MRPL1: variants seen among roughly 807,000 people sequenced by gnomAD.
MRPL1 encodes large ribosomal subunit protein uL1m.
In MRPL1, 28 loss-of-function variants were observed where a neutral mutation model predicts 38.0. The observed-to-expected ratio is 0.74, with a 90% confidence interval of 0.55 to 1.01. The LOEUF is 1.01. MRPL1 is among the 50% of genes least tolerant of loss of function. The pLI is 0.00. For missense variants in MRPL1, 358 were observed against 389.8 expected (o/e 0.92, Z 0.69); for synonymous variants, 123 against 126.7 (o/e 0.97, Z 0.20).
At position 77,889,068 on chromosome 4, in the gene MRPL1, T is replaced by C. The variant is rs139063214; in HGVS notation, c.558+1777T>C. 4.2e-3 allele frequency among the ~76,000 whole-genome samples: 640 copies of C among 152,180 alleles called. 7 individuals carry two copies. The highest frequency in any genetic ancestry group is 0.015 in the African/African-American group (616 of 41,508). ...CACCACACTGTCAACATTAGACACA[T>C]CAACGAGACAGAAAGTTAACAAGGA... On this transcript the variant is annotated intron_variant, in intron 5 of 8. Coordinates refer to ENST00000315567, the MANE Select transcript of MRPL1 (RefSeq NM_020236.4).
intron 7 of MRPL1, among the ~76,000 whole-genome samples, chr4:77,935,265 A>C (rs1736938830): frequency 6.6e-6 from 1 of 152,164 alleles, no homozygotes; most frequent in South Asian, 2.1e-4. Context: ...TAATTTTACT[A>C]TCTTTCGATT....
intron 5 of MRPL1, 79 bp downstream of exon 5, chr4:77,887,370 A>T: frequency 8.8e-7 from 1 of 1,142,820 alleles, no homozygotes; most frequent in Non-Finnish European, 1.3e-6. Context: ...TTATATGTGG[A>T]ACACTAGTCT....
intron 2 of MRPL1, among the ~76,000 whole-genome samples, chr4:77,876,147 A>G (rs1735384424): frequency 6.6e-6 from 1 of 151,890 alleles, no homozygotes; most frequent in Non-Finnish European, 1.5e-5. Context: ...TAATTTTTGT[A>G]GTTTTGGCAG....
intron 1 of MRPL1, among the ~76,000 whole-genome samples, chr4:77,864,321 G>A (rs892069493): frequency 6.6e-6 from 1 of 151,936 alleles, no homozygotes; most frequent in Non-Finnish European, 1.5e-5. Flanking sequence ...TTACTTGGCT[G>A]GTTCCTCTTC....
At chr4:77,866,041 A>C (rs557095832) in intron 1 of MRPL1, among the ~76,000 whole-genome samples, 1 of 151,232 alleles carries the variant, frequency 6.6e-6, no homozygotes, top group Non-Finnish European at 1.5e-5. Flanking sequence ...GGCTTAGCAT[A>C]AAAAAAAACA....
In MRPL1 at chr4:77,885,353, G is replaced by T; in HGVS notation, c.486+14G>T. ...GTATTTACAGAGGTGAGTAACTTCC[G>T]TCAACTATTTATATCATTTAATTTT... is the stretch of plus-strand genomic sequence containing the variant. On this transcript the variant is annotated intron_variant, in intron 4 of 8. Coordinates refer to ENST00000315567, the MANE Select transcript of MRPL1 (RefSeq NM_020236.4). 1 of 1,588,338 alleles carries T rather than the reference G, an allele frequency of 6.3e-7. No homozygotes were observed. The highest frequency in any genetic ancestry group is 8.6e-7 in the Non-Finnish European group (1 of 1,157,028).
intron 5 of MRPL1, among the ~76,000 whole-genome samples, chr4:77,891,191 AT>A (rs1735796630): frequency 6.6e-6 from 1 of 152,026 alleles, no homozygotes; most frequent in East Asian, 1.9e-4. Context: ...TTATTAAAAA[AT>A]AATCATCACA....
At chr4:77,915,951 AT>A (rs1436040553) in intron 7 of MRPL1, among the ~76,000 whole-genome samples, 1 of 152,222 alleles carries the variant, frequency 6.6e-6, no homozygotes, top group East Asian at 1.9e-4. Flanking sequence ...ATTGGTTGGG[AT>A]AAAAGCAAGC....
At position 77,951,565 on chromosome 4, in the gene MRPL1, A is replaced by G. The variant is rs148572623; in HGVS notation, c.860-924A>G. Among the ~76,000 whole-genome samples the G allele has an allele frequency of 2.0e-3, 303 of 152,372 alleles. 7 individuals are homozygous for G. Among genetic ancestry groups the G allele is most frequent in the Admixed American group, 0.018 (282 of 15,308 alleles). ...TCACTGAAAATATGACATGAGTTCT[A>G]TAAGTTTTCCTGTTGTATATTTGTA... On this transcript the variant is annotated intron_variant, in intron 8 of 8. Transcript: ENST00000315567.
At chr4:77,880,921 G>A (rs965407788) in intron 2 of MRPL1, among the ~76,000 whole-genome samples, 4 of 152,192 alleles carry the variant, frequency 2.6e-5, no homozygotes, top group African/African-American at 7.2e-5. Flanking sequence ...CAGGTAAGCT[G>A]AGAATCATCT....
intron 6 of MRPL1, among the ~76,000 whole-genome samples, chr4:77,902,097 A>C (rs1348828166): frequency 6.6e-6 from 1 of 152,226 alleles, no homozygotes; most frequent in Non-Finnish European, 1.5e-5. Context: ...CTAGTAAATA[A>C]CTCATTGATC....
intron 7 of MRPL1, among the ~76,000 whole-genome samples, chr4:77,941,452 C>A (rs1214104899): frequency 6.6e-6 from 1 of 152,130 alleles, no homozygotes; most frequent in Non-Finnish European, 1.5e-5. Flanking sequence ...AGTACCAGTT[C>A]TTCTTTGAAT....
chr4:77,885,112 C>T, intron 3 of MRPL1, 144 bp from the exon 4 acceptor site: 1 of 524,354 alleles, frequency 1.9e-6, no homozygotes, highest in Non-Finnish European at 3.4e-6. Flanking sequence ...GAATAGTAAT[C>T]AATGAATAGT....
intron 7 of MRPL1, among the ~76,000 whole-genome samples, chr4:77,948,289 G>T (rs2110269073): frequency 6.6e-6 from 1 of 152,242 alleles, no homozygotes; most frequent in African/African-American, 2.4e-5. Flanking sequence ...GTAAAGTAGA[G>T]AATTAAGAGG....
At chr4:77,950,551 G>T (rs1199114500) in intron 8 of MRPL1, among the ~76,000 whole-genome samples, 1 of 152,186 alleles carries the variant, frequency 6.6e-6, no homozygotes, top group Admixed American at 6.5e-5. Context: ...ATAAGAATTT[G>T]TCAGGTTTAG....
At chr4:77,875,171 T>C (rs75574885) in intron 2 of MRPL1, among the ~76,000 whole-genome samples, 1,764 of 152,292 alleles carry the variant, frequency 0.012, 38 homozygotes, top group African/African-American at 0.04. Flanking sequence ...AGCTTCTCTA[T>C]ATATTGTTAT....
chr4:77,869,660 GCTCACTGCAAC>G (rs1406899818), intron 1 of MRPL1, among the ~76,000 whole-genome samples: 4 of 151,984 alleles, frequency 2.6e-5, no homozygotes, highest in African/African-American at 9.7e-5. Flanking sequence ...CAGTGGCGCG[GCTCACTGCAAC>G]CTCTGCCATC....
At chr4:77,896,556 C>T (rs912946971) in intron 6 of MRPL1, among the ~76,000 whole-genome samples, 7 of 152,152 alleles carry the variant, frequency 4.6e-5, no homozygotes, top group Admixed American at 1.3e-4. Context: ...TTCTATTATG[C>T]ATTTTCAAAG....
At chr4:77,873,941 T>C (rs1735338025) in intron 2 of MRPL1, among the ~76,000 whole-genome samples, 2 of 152,176 alleles carry the variant, frequency 1.3e-5, no homozygotes, top group African/African-American at 4.8e-5. Flanking sequence ...TACATGAGTA[T>C]ATTATTTGTT....
Sources: allele counts gnomAD v4.1 joint callset (sites outside exome capture counted in the v4.1 genomes callset), GRCh38; gene constraint gnomAD v4.1.1; transcripts MANE v1.5; gene names NCBI Gene and HGNC (gene_info 2026-07-23, HGNC 2026-07-21).